Variants in ROBO2 observed in about 807,000 individuals in gnomAD.
ROBO2 encodes the protein roundabout guidance receptor 2.
A neutral mutation model predicts 160.8 loss-of-function variants in ROBO2; 53 were observed. That is an observed-to-expected ratio of 0.33 (90% CI 0.26 to 0.41). ROBO2 has a LOEUF of 0.41. ROBO2 is among the 10% of genes least tolerant of loss of function. The probability of loss-of-function intolerance (pLI) is 1.00; values close to 1 mark genes in which losing one functional copy is unlikely to be tolerated. For missense variants in ROBO2, 1,577 were observed against 1,722.4 expected, an observed-to-expected ratio of 0.92 and a Z score of 1.49; for synonymous variants, 664 against 611.7, an observed-to-expected ratio of 1.09 and a Z score of -1.26.
At chr3:77,114,247 T>C (rs1277574142) in intron 2 of ROBO2, among the ~76,000 whole-genome samples, 2 of 152,114 alleles carry the variant, frequency 1.3e-5, no homozygotes, top group African/African-American at 4.8e-5. Context: ...AGGAGATTAG[T>C]GTGTGATTAT....
intron 2 of ROBO2, among the ~76,000 whole-genome samples, chr3:76,032,117 C>G (rs1233060176): frequency 6.6e-6 from 1 of 152,126 alleles, no homozygotes; most frequent in Non-Finnish European, 1.5e-5. Context: ...TTATCCATTT[C>G]TTCTAGATTT....
chr3:76,839,086 G>A (rs968547245), intron 2 of ROBO2, among the ~76,000 whole-genome samples: 5 of 152,000 alleles, frequency 3.3e-5, no homozygotes, highest in Admixed American at 3.3e-4. Flanking sequence ...CAAGGCAAAT[G>A]ACATCATTAA....
chr3:77,546,983 A>G (rs775747), intron 7 of ROBO2, among the ~76,000 whole-genome samples: 116,179 of 151,884 alleles, frequency 0.76, 44,736 homozygotes, highest in African/African-American at 0.83. Context: ...TTCCTTCTCC[A>G]TTCCTCCTGG....
At chr3:76,384,985 T>C (rs1360141112) in intron 2 of ROBO2, among the ~76,000 whole-genome samples, 1 of 152,130 alleles carries the variant, frequency 6.6e-6, no homozygotes, top group African/African-American at 2.4e-5. Context: ...CAAAGTGTCT[T>C]TTGTTTTGTT....
intron 2 of ROBO2, among the ~76,000 whole-genome samples, chr3:75,986,895 A>G (rs2065430204): frequency 6.6e-6 from 1 of 151,526 alleles, no homozygotes. Context: ...GTGAAGATTC[A>G]TTTCTGGGAT....
chr3:76,205,569 G>A (rs2107283165), intron 2 of ROBO2, among the ~76,000 whole-genome samples: 1 of 152,212 alleles, frequency 6.6e-6, no homozygotes, highest in Middle Eastern at 3.4e-3. Flanking sequence ...TCTACTAAGA[G>A]TCCATGTGTT....
intron 2 of ROBO2, among the ~76,000 whole-genome samples, chr3:76,692,968 ATGTATGTATATACACATATG>A (rs1443057063): frequency 2.7e-5 from 4 of 150,834 alleles, no homozygotes; most frequent in Admixed American, 6.6e-5. Context: ...ATCCCTATAT[ATGTATGTATATACACATATG>A]TGTATGTATA....
intron 2 of ROBO2, among the ~76,000 whole-genome samples, chr3:76,227,467 T>C (rs1704359319): frequency 6.6e-6 from 1 of 152,204 alleles, no homozygotes; most frequent in Non-Finnish European, 1.5e-5. Flanking sequence ...AAATAAATCT[T>C]ACGATAGTTA....
At chr3:77,641,440 A>C (rs1311106381) in intron 24 of ROBO2, among the ~76,000 whole-genome samples, 1 of 152,190 alleles carries the variant, frequency 6.6e-6, no homozygotes, top group Non-Finnish European at 1.5e-5. Context: ...ACTGTTAAGG[A>C]AGCTATCTTT....
At position 76,767,681 on chromosome 3, in the gene ROBO2, T is replaced by G. The variant is rs114858099; in HGVS notation, c.110-330333T>G. 8.5e-3 allele frequency among the ~76,000 whole-genome samples: 1,293 copies of G among 151,692 alleles called. 11 individuals are homozygous for G. Among genetic ancestry groups the G allele is most frequent in the African/African-American group, 0.03 (1,231 of 41,504 alleles). ...GACTTTGTAGAGTGTAATGCTGTAC[T>G]CTTTTTTATTAAACTTTTTTGCTTT... On this transcript the variant is annotated intron_variant, in intron 2 of 26. Coordinates refer to the ROBO2 transcript ENST00000487694.
intron 23 of ROBO2, among the ~76,000 whole-genome samples, chr3:77,626,974 T>A (rs1193494685): frequency 1.3e-5 from 2 of 152,196 alleles, no homozygotes; most frequent in African/African-American, 4.8e-5. Context: ...CCTCGGCCAC[T>A]AAAATATTTG....
intron 2 of ROBO2, among the ~76,000 whole-genome samples, chr3:76,427,537 A>G: frequency 6.6e-6 from 1 of 152,256 alleles, no homozygotes; most frequent in Admixed American, 6.5e-5. Flanking sequence ...GAATTATTTC[A>G]TGGGGGTTTG....
At chr3:76,510,787 C>A (rs1270382675) in intron 2 of ROBO2, among the ~76,000 whole-genome samples, 1 of 151,956 alleles carries the variant, frequency 6.6e-6, no homozygotes, top group Non-Finnish European at 1.5e-5. Context: ...AAAAACACTG[C>A]ATAAAACTAT....
intron 2 of ROBO2, among the ~76,000 whole-genome samples, chr3:76,484,393 A>G (rs899924570): frequency 1.3e-5 from 2 of 152,200 alleles, no homozygotes; most frequent in African/African-American, 4.8e-5. Flanking sequence ...ACACTTAAGT[A>G]TCTGTTGTGT....
At chr3:77,577,158 A>C (rs576555050) in intron 14 of ROBO2, among the ~76,000 whole-genome samples, 2 of 152,198 alleles carry the variant, frequency 1.3e-5, no homozygotes, top group East Asian at 3.9e-4. Context: ...TGTAAAACCG[A>C]GATAAGAGTT....
chr3:76,418,486 G>T (rs1052238413), intron 2 of ROBO2, among the ~76,000 whole-genome samples: 28 of 152,164 alleles, frequency 1.8e-4, no homozygotes, highest in African/African-American at 6.5e-4. Flanking sequence ...TGATCCACCC[G>T]CCTCGGCCTC....
intron 2 of ROBO2, among the ~76,000 whole-genome samples, chr3:76,886,397 T>TAAAA (rs113249255): frequency 5.3e-4 from 77 of 145,822 alleles, no homozygotes; most frequent in Non-Finnish European, 7.9e-4. Context: ...CCTTTTAACT[T>TAAAA]AAAAAAAAAA....
chr3:77,539,669 T>G (rs1172361077), intron 6 of ROBO2, among the ~76,000 whole-genome samples: 3 of 152,210 alleles, frequency 2.0e-5, no homozygotes, highest in Admixed American at 2.0e-4. Context: ...TTCACTGTTT[T>G]GGGCTTTTCT....
intron 2 of ROBO2, among the ~76,000 whole-genome samples, chr3:76,986,356 T>A (rs560450221): frequency 6.6e-6 from 1 of 152,154 alleles, no homozygotes; most frequent in African/African-American, 2.4e-5. Context: ...AAGATGTAGG[T>A]CAAATTCTAG....
Sources: allele counts gnomAD v4.1 joint callset (sites outside exome capture counted in the v4.1 genomes callset), GRCh38; gene constraint gnomAD v4.1.1; transcripts MANE v1.5; gene names NCBI Gene and HGNC (gene_info 2026-07-23, HGNC 2026-07-21).